Variants in SPAG17 observed in about 807,000 individuals in gnomAD.
The protein encoded by SPAG17 is sperm associated antigen 17.
A neutral mutation model predicts 273.6 loss-of-function variants in SPAG17; 169 were observed. The observed-to-expected ratio is 0.62, with a 90% CI of 0.55 to 0.70. SPAG17 has a LOEUF of 0.70. Among genes scored for constraint, SPAG17 ranks in the 30% least tolerant of loss-of-function variants. SPAG17 has a pLI of 0.00. For missense variants in SPAG17, 2,557 were observed against 2,627.8 expected, an observed-to-expected ratio of 0.97 and a Z score of 0.59; for synonymous variants, 825 against 873.2, an observed-to-expected ratio of 0.94 and a Z score of 0.97.
At chr1:117,998,327 CTTGT>C (rs1488638522) in intron 32 of SPAG17, among the ~76,000 whole-genome samples, 1 of 152,052 alleles carries the variant, frequency 6.6e-6, no homozygotes, top group Non-Finnish European at 1.5e-5. Flanking sequence ...TTCCTCATTG[CTTGT>C]TTTTGTTGGT....
At chr1:117,981,525 C>T (rs1655814655) in intron 42 of SPAG17, 124 bp from the exon 43 acceptor site, 12 of 970,790 alleles carry the variant, frequency 1.2e-5, no homozygotes, top group South Asian at 1.7e-5. Flanking sequence ...TTTTCTGCCA[C>T]TCTCTTTAGA....
chr1:117,997,743 T>C (rs906266774), intron 32 of SPAG17, among the ~76,000 whole-genome samples: 4 of 152,148 alleles, frequency 2.6e-5, no homozygotes, highest in African/African-American at 9.6e-5. Context: ...AGACAGTATG[T>C]AAACAAATGA....
At chr1:118,067,943 T>C (rs1653144420) in intron 17 of SPAG17, among the ~76,000 whole-genome samples, 1 of 152,150 alleles carries the variant, frequency 6.6e-6, no homozygotes, top group African/African-American at 2.4e-5. Context: ...ATCCTCAGCA[T>C]GCACTGCGGT....
intron 28 of SPAG17, among the ~76,000 whole-genome samples, chr1:118,017,099 C>T (rs938083885): frequency 2.6e-5 from 4 of 152,088 alleles, no homozygotes; most frequent in African/African-American, 9.7e-5. Flanking sequence ...ATGGGAAGAA[C>T]CAAAGGCAGA....
At chr1:118,158,267 C>T (rs1349138053) in intron 1 of SPAG17, among the ~76,000 whole-genome samples, 2 of 152,266 alleles carry the variant, frequency 1.3e-5, no homozygotes, top group Admixed American at 6.5e-5. Context: ...AGACATTAAC[C>T]TATCACCAAC....
At chr1:117,977,271 A>G (rs1470277197) in intron 43 of SPAG17, among the ~76,000 whole-genome samples, 2 of 152,190 alleles carry the variant, frequency 1.3e-5, no homozygotes, top group Non-Finnish European at 2.9e-5. Context: ...CAGTGAGTCA[A>G]GATTGTGCCA....
intron 41 of SPAG17, 54 bp from the exon 42 acceptor site, chr1:117,983,967 T>A: frequency 1.2e-6 from 1 of 857,926 alleles, no homozygotes; most frequent in Non-Finnish European, 1.9e-6. Context: ...AATTCAACTG[T>A]CGCAAATATG....
At chr1:118,012,864 C>G (rs534985594) in intron 29 of SPAG17, among the ~76,000 whole-genome samples, 2 of 152,328 alleles carry the variant, frequency 1.3e-5, no homozygotes, top group South Asian at 2.1e-4. Flanking sequence ...TGGTAGGGGA[C>G]AGAGGCTGTA....
At chr1:117,975,511 T>C (rs1213188612) in intron 43 of SPAG17, among the ~76,000 whole-genome samples, 1 of 152,218 alleles carries the variant, frequency 6.6e-6, no homozygotes, top group Non-Finnish European at 1.5e-5. Context: ...TTAAATAACT[T>C]GTCCAACAAA....
chr1:118,029,864 G>T (rs533303077), intron 25 of SPAG17, among the ~76,000 whole-genome samples: 6 of 152,180 alleles, frequency 3.9e-5, no homozygotes, highest in Admixed American at 3.9e-4. Context: ...GTCACTAACA[G>T]AGGAAAAATA....
At chr1:117,992,869 A>G (rs1026993356) in intron 35 of SPAG17, among the ~76,000 whole-genome samples, 1 of 152,186 alleles carries the variant, frequency 6.6e-6, no homozygotes, top group Non-Finnish European at 1.5e-5. Flanking sequence ...AAGATACTGG[A>G]TATTTAAAAA....
chr1:118,173,534 A>G (rs1660514123), intron 1 of SPAG17, among the ~76,000 whole-genome samples: 1 of 152,178 alleles, frequency 6.6e-6, no homozygotes, highest in South Asian at 2.1e-4. Flanking sequence ...GGGCAATGGC[A>G]CACTCATGGA....
chr1:117,993,194 C>G (rs931297862), intron 35 of SPAG17, among the ~76,000 whole-genome samples: 4 of 152,078 alleles, frequency 2.6e-5, no homozygotes, highest in Admixed American at 1.3e-4. Flanking sequence ...TACTTGTGAT[C>G]GATTTTCAGG....
At chr1:117,981,538 G>A in intron 42 of SPAG17, 137 bp from the exon 43 acceptor site, 1 of 855,864 alleles carries the variant, frequency 1.2e-6, no homozygotes, top group South Asian at 1.9e-5. Context: ...TCTTTAGAAA[G>A]ACTAAATATA....
intron 17 of SPAG17, among the ~76,000 whole-genome samples, chr1:118,069,394 A>G (rs1050956973): frequency 6.7e-6 from 1 of 148,622 alleles, no homozygotes; most frequent in African/African-American, 2.5e-5. Flanking sequence ...GCTTGAAGAT[A>G]TATTTGGAGG....
Position 117,963,824 on chromosome 1 carries a change from A to C in SPAG17, c.6647T>G (p.Met2216Arg), listed in dbSNP as rs1653444872. 3 of 1,613,558 alleles carry C rather than the reference A, an allele frequency of 1.9e-6. No homozygotes were observed. The East Asian group carries it at 6.7e-5, about 36-fold the overall frequency. Residue 2216 changes from methionine to arginine, a missense_variant, in exon 48 of 49, where the codon ATG becomes AGG. Physicochemically the swap from Met to Arg is moderately conservative, Grantham distance 91. Transcript: ENST00000336338. Reference sequence around the variant, plus strand: ...CTAATGTGGAGAAACTTTACGAGACATGAAGACTCCAAGTGTGGAGGAATA... The same window carrying C: ...CTAATGTGGAGAAACTTTACGAGACCTGAAGACTCCAAGTGTGGAGGAATA... ...TIYSSTLGVFMSRKVSPH is the reference protein window; with the variant it reads ...TIYSSTLGVFRSRKVSPH
At chr1:118,097,917 C>A in intron 6 of SPAG17, 66 bp from the exon 7 acceptor site, 1 of 1,095,462 alleles carries the variant, frequency 9.1e-7, no homozygotes, top group Non-Finnish European at 1.3e-6. Context: ...TTTAAGTGAA[C>A]ATGGTGAGTC....
chr1:118,048,265 C>G (rs1170309918), intron 20 of SPAG17, among the ~76,000 whole-genome samples: 1 of 151,874 alleles, frequency 6.6e-6, no homozygotes, highest in Non-Finnish European at 1.5e-5. Flanking sequence ...ACTCAAGGAC[C>G]CAGACTCCAG....
rs563818040 is a variant in SPAG17 at position 118,005,559 on chromosome 1, C to T, written c.4631G>A (p.Cys1544Tyr). The change falls in exon 32 of 49, where the codon TGT becomes TAT. Residue 1544 changes from cysteine to tyrosine, a missense_variant. Physicochemically the swap from Cys to Tyr is radical, Grantham distance 194. Transcript: ENST00000336338. ...NTGSLYIDKDCSAVYCHESSS... is the reference protein window; with the variant it reads ...NTGSLYIDKDYSAVYCHESSS... ...TGACTCATGGCAGTACACAGCTGAACAATCCTTGTCAATATAAAGAGAGCC... is the reference window on the plus strand; with the variant it reads ...TGACTCATGGCAGTACACAGCTGAATAATCCTTGTCAATATAAAGAGAGCC... 1.8e-5 allele frequency: 29 copies of T among 1,581,088 alleles called. No homozygotes were observed. The East Asian group carries it at 6.4e-4, about 35-fold the overall frequency.
Sources: gnomAD v4.1 joint callset for allele counts (sites outside exome capture counted in the v4.1 genomes callset) on GRCh38, gnomAD v4.1.1 for gene constraint, MANE v1.5 for transcripts, NCBI Gene and HGNC (gene_info 2026-07-23, HGNC 2026-07-21) for gene names.